Variants in PMEL observed in about 807,000 individuals in gnomAD.
PMEL encodes the protein melanocyte protein PMEL.
PMEL carries 53 observed loss-of-function variants against 64.9 expected under a neutral mutation model. That is an observed-to-expected ratio of 0.82 (90% CI 0.66 to 1.03). The LOEUF is 1.03. Ranked by LOEUF, PMEL falls within the 50% of genes least tolerant of loss-of-function variation. The probability of loss-of-function intolerance (pLI) is 0.00; values close to 1 mark genes in which losing one functional copy is unlikely to be tolerated. For missense variants in PMEL, 716 were observed against 814.9 expected (o/e 0.88, Z 1.48); for synonymous variants, 299 against 316.2 (o/e 0.95, Z 0.58).
upstream of PMEL, chr12:55,966,156 T>C: frequency 1.6e-6 from 2 of 1,272,810 alleles, no homozygotes; most frequent in Non-Finnish European, 2.2e-6. Flanking sequence ...AAGGAAAAAC[T>C]GACAAAGGGA....
chr12:55,958,552 G>A lies in PMEL; in HGVS notation c.390C>T (p.Cys130=). The A allele has an allele frequency of 6.2e-7, 1 of 1,614,066 alleles. No homozygotes were observed. The highest frequency in any genetic ancestry group is 1.3e-5 in the African/African-American group (1 of 75,046). ...GGCAAGGTCCACCATCAGGGAAGATGCAGGCATCGTCAGTTTCCTGGGGAT... is the reference window on the plus strand; with the variant it reads ...GGCAAGGTCCACCATCAGGGAAGATACAGGCATCGTCAGTTTCCTGGGGAT... ...PVYPQETDDA[C]IFPDGGPCPS... Residue 130 remains cysteine, a synonymous_variant, in exon 4 of 11, where the codon TGC becomes TGT. Coordinates refer to ENST00000548747, the MANE Select transcript of PMEL (RefSeq NM_001384361.1).
At chr12:55,966,055 A>G, upstream of PMEL, 1 of 1,614,064 alleles carries the variant, frequency 6.2e-7, no homozygotes, top group Non-Finnish European at 8.5e-7. Flanking sequence ...GGGGACTGGG[A>G]TAGGCCCCTA....
Position 55,957,148 on chromosome 12 carries a change from C to G in PMEL, c.1155G>C (p.Met385Ile). Residue 385 changes from methionine to isoleucine, a missense_variant, in exon 6 of 11, where the codon ATG (methionine) becomes ATC (isoleucine). Met to Ile is a conservative substitution (Grantham distance 10). Coordinates refer to ENST00000548747, the MANE Select transcript of PMEL (RefSeq NM_001384361.1). ...TPEKVPVSEV[M>I]GTTLAEMSTP... ...TTGACATCTCTGCCAGTGTGGTACC[C>G]ATGACCTCTGAAACTGGCACCTTCT... is the stretch of plus-strand genomic sequence containing the variant. The G allele has an allele frequency of 1.2e-6, 2 of 1,614,162 alleles. No homozygotes were observed. Among genetic ancestry groups the G allele is most frequent in the Non-Finnish European group, 1.7e-6 (2 of 1,180,006 alleles).
Position 55,965,926 on chromosome 12 carries a change from C to T in PMEL, c.76+10G>A, listed in dbSNP as rs750593159. 2 of 1,614,192 alleles carry T rather than the reference C, an allele frequency of 1.2e-6. No individual in the cohort carries two copies. The highest frequency in any genetic ancestry group is 2.2e-5 in the South Asian group (2 of 91,088). ...TTCACACCTGCTCATGTCCACATAT[C>T]CACACATACCTTTTGTAGCCCCCAC... On this transcript the variant is annotated intron_variant, in intron 1 of 10. Transcript: ENST00000548747.
upstream of PMEL, chr12:55,966,268 T>C: frequency 1.8e-6 from 1 of 565,558 alleles, no homozygotes; most frequent in South Asian, 2.1e-5. Flanking sequence ...AAGAGCTAAC[T>C]GAAAGGCAGC....
rs1232710996 is a variant in PMEL at position 55,961,417 on chromosome 12, A to C, written c.234T>G (p.Ile78Met). 1 of 1,614,074 alleles carries C rather than the reference A, an allele frequency of 6.2e-7. No individual in the cohort carries two copies. The highest frequency in any genetic ancestry group is 8.5e-7 in the Non-Finnish European group (1 of 1,180,010). The change falls in exon 3 of 11, where the codon ATT (isoleucine) becomes ATG (methionine). Residue 78 changes from isoleucine to methionine, a missense_variant. Transcript: ENST00000548747. ...LKVSNDGPTL[I>M]GANASFSIAL... ...CAATAGAGAAGGAGGCATTTGCACC[A>C]ATCAGTGTAGGCCCATCATTACTGA...
Position 55,961,719 on chromosome 12 carries a change from C to G in PMEL, c.90G>C (p.Gln30His). The change falls in exon 2 of 11, where the codon CAG becomes CAC. Residue 30 changes from glutamine (Q) to histidine (H), a missense_variant. Transcript: ENST00000548747. The part of the protein sequence containing the change: ...AVGATKVPRN[Q>H]DWLGVSRQLR... ...GTTGCCTTGAGACACCAAGCCAGTC[C>G]TGGTTTCTGGGTACTAAAAGGAATG... is the stretch of plus-strand genomic sequence containing the variant. The G allele has an allele frequency of 1.9e-6, 3 of 1,613,566 alleles. No individual in the cohort carries two copies. Among genetic ancestry groups the G allele is most frequent in the Non-Finnish European group, 2.5e-6 (3 of 1,179,534 alleles).
At chr12:55,964,599 C>G (rs1889217106) in intron 1 of PMEL, among the ~76,000 whole-genome samples, 1 of 152,080 alleles carries the variant, frequency 6.6e-6, no homozygotes, top group Admixed American at 6.6e-5. Context: ...AGCCACTACA[C>G]CCGGCCTCCT....
At chr12:55,961,767 C>T (rs374626041) in intron 1 of PMEL, 35 bp from the exon 2 acceptor site, 2 of 1,318,956 alleles carry the variant, frequency 1.5e-6, no homozygotes, top group Non-Finnish European at 2.2e-6. Context: ...CCCTAGGATC[C>T]TTTCAGTTCC....
At chr12:55,956,684 C>A in intron 6 of PMEL, 1 of 448,482 alleles carries the variant, frequency 2.2e-6, no homozygotes. Flanking sequence ...CAGTCTGTTC[C>A]CTGGTCTCGC....
upstream of PMEL, chr12:55,966,302 C>G: frequency 2.2e-6 from 1 of 464,292 alleles, no homozygotes; most frequent in Non-Finnish European, 3.9e-6. Context: ...CCAGACACAA[C>G]AGTTTATCAT....
chr12:55,957,191 C>G lies in PMEL; in HGVS notation c.1112G>C (p.Ser371Thr), dbSNP rs770516374. 5 of 1,614,230 alleles carry G rather than the reference C, an allele frequency of 3.1e-6. No homozygotes were observed. The highest frequency in any genetic ancestry group is 3.4e-6 in the Non-Finnish European group (4 of 1,180,040). The change falls in exon 6 of 11, where the codon AGC becomes ACC. Residue 371 changes from serine to threonine, a missense_variant. Transcript: ENST00000548747. ...CACCTTCTCAGGTGTCATACCTGTG[C>G]TCTCTGCAGTTGGCATCTGCACAGG... ...TAPVQMPTAESTGMTPEKVPV... is the reference protein window; with the variant it reads ...TAPVQMPTAETTGMTPEKVPV...
chr12:55,961,434 C>T lies in PMEL; in HGVS notation c.217G>A (p.Asp73Asn), dbSNP rs142719170. Residue 73 changes from aspartate (D) to asparagine (N), a missense_variant, in exon 3 of 11, where the codon GAT becomes AAT. Asp to Asn is a conservative substitution (Grantham distance 23, BLOSUM62 1). Coordinates refer to ENST00000548747, the MANE Select transcript of PMEL (RefSeq NM_001384361.1). ...GGQVSLKVSN[D>N]GPTLIGANAS... The stretch of plus-strand genomic sequence containing the variant: ...TTTGCACCAATCAGTGTAGGCCCAT[C>T]ATTACTGACCTTGAGGGACACTTGA... 32 of 1,614,086 alleles carry T rather than the reference C, an allele frequency of 2.0e-5. No individual in the cohort carries two copies. The African/African-American group carries it at 3.7e-4, about 19-fold the overall frequency.
chr12:55,957,872 C>G, intron 5 of PMEL, 51 bp downstream of exon 5: 1 of 1,604,128 alleles, frequency 6.2e-7, no homozygotes. Flanking sequence ...ATCCAAGCCT[C>G]CCTGCCTTCT....
intron 3 of PMEL, among the ~76,000 whole-genome samples, chr12:55,960,082 G>C (rs368988099): frequency 2.0e-5 from 3 of 150,880 alleles, no homozygotes; most frequent in African/African-American, 7.3e-5. Flanking sequence ...TCAGCTACTC[G>C]GGAGGCTACT....
Position 55,956,953 on chromosome 12 carries a change from A to G in PMEL, c.1350T>C (p.Ile450=). 1 of 1,613,954 alleles carries G rather than the reference A, an allele frequency of 6.2e-7. No homozygotes were observed. Residue 450 remains isoleucine, a synonymous_variant, in exon 6 of 11, where the codon ATT becomes ATC. Coordinates refer to ENST00000548747, the MANE Select transcript of PMEL (RefSeq NM_001384361.1). ...DASSIMSTES[I]TGSLGPLLDG... ...CATTCGCACTGATACTCTTACCTGT[A>G]ATACTTTCCGTAGACATGATTGAGC...
Position 55,957,070 on chromosome 12 carries a change from A to G in PMEL, c.1233T>C (p.Ser411=). ...TPAEVSIVVL[S]GTTAAQVTTT... ...TTGTTACCTGTGCAGCTGTGGTTCC[A>G]GAAAGCACCACAATTGATACCTCTG... Residue 411 remains serine, a synonymous_variant, in exon 6 of 11, where the codon TCT becomes TCC. Coordinates refer to ENST00000548747, the MANE Select transcript of PMEL (RefSeq NM_001384361.1). The G allele has an allele frequency of 6.2e-7, 1 of 1,614,226 alleles. No homozygotes were observed. Among genetic ancestry groups the G allele is most frequent in the South Asian group, 1.1e-5 (1 of 91,082 alleles).
chr12:55,961,483 T>TA lies in PMEL; in HGVS notation c.188-21dup. 4 of 1,613,366 alleles carry TA rather than the reference T, an allele frequency of 2.5e-6. No homozygotes were observed. Among genetic ancestry groups the TA allele is most frequent in the East Asian group, 2.2e-5 (1 of 44,860 alleles). On this transcript the variant is annotated intron_variant, in intron 2 of 10. Transcript: ENST00000548747. ...GACCACCTGGGAAGGAAAGCTACAT[T>TA]AGCTGGGACTCCTGGGCTTCCCCTC...
Position 55,954,304 on chromosome 12 carries a change from A to G in PMEL, c.1896T>C (p.His632=). 4.3e-6 allele frequency: 7 copies of G among 1,614,018 alleles called. No homozygotes were observed. The highest frequency in any genetic ancestry group is 5.1e-6 in the Non-Finnish European group (6 of 1,179,874). The stretch of plus-strand genomic sequence containing the variant: ...GTAGACGCAGCCAGTGACTGCTGCT[A>G]TGTGGCAACTGGGGTACGGAGAAGT... The part of the protein sequence containing the change: ...KQDFSVPQLP[H]SSSHWLRLPR... Residue 632 remains histidine (H), a synonymous_variant, in exon 11 of 11, where the codon CAT becomes CAC. Transcript: ENST00000548747.
Sources: allele counts gnomAD v4.1 joint callset (sites outside exome capture counted in the v4.1 genomes callset), GRCh38; gene constraint gnomAD v4.1.1; transcripts MANE v1.5; gene names NCBI Gene and HGNC (gene_info 2026-07-23, HGNC 2026-07-21).